Variants in COL4A3 observed in about 807,000 individuals in gnomAD.
COL4A3 encodes the protein collagen alpha-3(IV) chain.
Under a neutral mutation model 217.4 loss-of-function variants are expected in COL4A3, and 135 were observed. The observed-to-expected ratio is 0.62, with a 90% confidence interval of 0.54 to 0.72. The LOEUF is 0.72. Among genes scored for constraint, COL4A3 ranks in the 30% least tolerant of loss-of-function variants. The probability of loss-of-function intolerance (pLI) is 0.00; values close to 1 mark genes in which losing one functional copy is unlikely to be tolerated. For missense variants in COL4A3, 1,868 were observed against 2,119.9 expected (o/e 0.88, Z 2.33); for synonymous variants, 690 against 736.3 (o/e 0.94, Z 1.02).
At chr2:227,302,705 A>T (rs1574832252) in intron 43 of COL4A3, among the ~76,000 whole-genome samples, 1 of 142,036 alleles carries the variant, frequency 7.0e-6, no homozygotes, top group East Asian at 2.0e-4. Flanking sequence ...AAAAAAAAAA[A>T]ATCATTCTGG....
chr2:227,280,931 C>A lies in COL4A3; in HGVS notation c.2413C>A (p.Pro805Thr), dbSNP rs1205896711. 2.6e-6 allele frequency: 4 copies of A among 1,564,908 alleles called. No homozygotes were observed. Among genetic ancestry groups the A allele is most frequent in the Non-Finnish European group, 2.6e-6 (3 of 1,154,056 alleles). The change falls in exon 31 of 52, where the codon CCC becomes ACC. Residue 805 changes from proline to threonine, a missense_variant. Physicochemically the swap from Pro to Thr is conservative, Grantham distance 38. This residue lies in a region of COL4A3 where 1,503 missense variants were observed against 1,786.1 expected (regional missense o/e 0.84). Coordinates refer to ENST00000396578, the MANE Select transcript of COL4A3 (RefSeq NM_000091.5). The part of the protein sequence containing the change: ...GQPGPPGEQG[P>T]PGRCIEGPRG... ...GCCTGGACCACCTGGAGAACAAGGA[C>A]CCCCAGGAAGGTGCATAGAGGGTCC...
Position 227,289,212 on chromosome 2 carries a change from G to A in COL4A3, c.2944G>A (p.Gly982Ser), listed in dbSNP as rs1445946933. 6.2e-7 allele frequency: 1 copy of A among 1,613,828 alleles called. No individual in the cohort carries two copies. The highest frequency in any genetic ancestry group is 1.7e-5 in the Admixed American group (1 of 59,968). ...RGVPGMPGLK[G>S]LKGLPGPAGP... ...CGTTCCAGGGATGCCAGGTTTAAAG[G>A]GCCTCAAAGGACTACCCGGACCAGC... The change falls in exon 35 of 52, where the codon GGC (glycine) becomes AGC (serine). Residue 982 changes from glycine to serine, a missense_variant. Around this residue, in one of 2 missense-constraint regions of COL4A3, gnomAD observed 1,503 missense variants for 1,786.1 expected, o/e 0.84. Coordinates refer to ENST00000396578, the MANE Select transcript of COL4A3 (RefSeq NM_000091.5).
intron 1 of COL4A3, among the ~76,000 whole-genome samples, chr2:227,175,229 T>C (rs1385978183): frequency 6.6e-6 from 1 of 152,134 alleles, no homozygotes; most frequent in Non-Finnish European, 1.5e-5. Flanking sequence ...CCCAGCACTT[T>C]GGGAGGCCAA....
At position 227,304,097 on chromosome 2, in the gene COL4A3, C is replaced by T; in HGVS notation, c.4106C>T (p.Pro1369Leu). The change falls in exon 46 of 52, where the codon CCA becomes CTA. Residue 1369 changes from proline (P) to leucine (L), a missense_variant. Coordinates refer to ENST00000396578, the MANE Select transcript of COL4A3 (RefSeq NM_000091.5). The part of the protein sequence containing the change: ...SPGPPGTPGE[P>L]GMQGEPGPPG... The stretch of plus-strand genomic sequence containing the variant: ...GGGCCACCTGGCACACCTGGAGAAC[C>T]AGGGATGCAGGGAGAACCTGGGCCA... 6.2e-7 allele frequency: 1 copy of T among 1,614,144 alleles called. No individual in the cohort carries two copies. Among genetic ancestry groups the T allele is most frequent in the Non-Finnish European group, 8.5e-7 (1 of 1,180,018 alleles).
At chr2:227,188,364 C>T (rs1270198887) in intron 1 of COL4A3, among the ~76,000 whole-genome samples, 2 of 151,952 alleles carry the variant, frequency 1.3e-5, no homozygotes, top group Non-Finnish European at 2.9e-5. Flanking sequence ...ATATTTAACA[C>T]TGAAAAAGGA....
chr2:227,241,265 C>T (rs1258347015), intron 3 of COL4A3, among the ~76,000 whole-genome samples: 3 of 152,226 alleles, frequency 2.0e-5, no homozygotes, highest in South Asian at 2.1e-4. Context: ...CACGCACCCA[C>T]ACATTCATTC....
chr2:227,245,997 C>T lies in COL4A3; in HGVS notation c.368C>T (p.Pro123Leu). The T allele has an allele frequency of 6.2e-7, 1 of 1,613,598 alleles. No homozygotes were observed. Among genetic ancestry groups the T allele is most frequent in the South Asian group, 1.1e-5 (1 of 91,068 alleles). Residue 123 changes from proline to leucine, a missense_variant, in exon 6 of 52, where the codon CCA becomes CTA. Physicochemically the swap from Pro to Leu is moderately conservative, Grantham distance 98. This residue lies in a region of COL4A3 where 365 missense variants were observed against 333.8 expected (regional missense o/e 1.09). Coordinates refer to ENST00000396578, the MANE Select transcript of COL4A3 (RefSeq NM_000091.5). ...GGGCCTTACGGACTTGTCGGTGTAC[C>T]AGGATGCAGTGGTTCTAAGGTAAGT... ...NTGPYGLVGV[P>L]GCSGSKGEQG...
chr2:227,261,953 T>C (rs2070600632), intron 20 of COL4A3, among the ~76,000 whole-genome samples: 1 of 152,168 alleles, frequency 6.6e-6, no homozygotes, highest in Non-Finnish European at 1.5e-5. Flanking sequence ...GTGTTCTTTT[T>C]AACGAAAACA....
intron 1 of COL4A3, among the ~76,000 whole-genome samples, chr2:227,211,649 T>TTTTATTTATTTATTTATTTATTTATTTA (rs71036166): frequency 4.7e-4 from 71 of 150,084 alleles, no homozygotes; most frequent in African/African-American, 1.5e-3. Flanking sequence ...TCAGACTTGA[T>TTTTATTTATTTATTTATTTATTTATTTA]TTTATTTATT....
At chr2:227,181,223 T>A (rs2065858675) in intron 1 of COL4A3, among the ~76,000 whole-genome samples, 1 of 152,232 alleles carries the variant, frequency 6.6e-6, no homozygotes, top group African/African-American at 2.4e-5. Context: ...CTCTTTGACA[T>A]GTATCTAAAA....
Position 227,290,897 on chromosome 2 carries a change from C to T in COL4A3, c.3210+11C>T. On this transcript the variant is annotated intron_variant, in intron 37 of 51. Coordinates refer to ENST00000396578, the MANE Select transcript of COL4A3 (RefSeq NM_000091.5). The stretch of plus-strand genomic sequence containing the variant: ...CCACCGGGACCAACGGTATATAGGC[C>T]ACTGAAATATTTACATTTTAGTGGT... 1 of 1,608,150 alleles carries T rather than the reference C, an allele frequency of 6.2e-7. No individual in the cohort carries two copies. The highest frequency in any genetic ancestry group is 8.5e-7 in the Non-Finnish European group (1 of 1,178,078).
intron 1 of COL4A3, among the ~76,000 whole-genome samples, chr2:227,188,065 A>C (rs760962788): frequency 7.9e-5 from 12 of 152,112 alleles, no homozygotes; most frequent in Non-Finnish European, 1.6e-4. Context: ...TAGAAGAACA[A>C]CATCCCCGAA....
intron 1 of COL4A3, among the ~76,000 whole-genome samples, chr2:227,187,132 G>T (rs1302497455): frequency 6.6e-6 from 1 of 152,168 alleles, no homozygotes; most frequent in Non-Finnish European, 1.5e-5. Flanking sequence ...ATCTTTGTGT[G>T]CAGGAAGACA....
rs1453558790 is a variant in COL4A3, at chr2:227,307,713, C to T, written c.4256C>T (p.Pro1419Leu). 6 of 1,613,668 alleles carry T rather than the reference C, an allele frequency of 3.7e-6. No individual in the cohort carries two copies. The highest frequency in any genetic ancestry group is 2.7e-5 in the African/African-American group (2 of 74,844). The change falls in exon 48 of 52, where the codon CCA becomes CTA. Residue 1419 changes from proline to leucine, a missense_variant. Pro to Leu is a moderately conservative substitution (Grantham distance 98). Around this residue, in one of 2 missense-constraint regions of COL4A3, gnomAD observed 1,503 missense variants for 1,786.1 expected, o/e 0.84. Transcript: ENST00000396578. ...GNKGSKGEPG[P>L]AGSDGLPGLK... is the part of the protein sequence containing the mutation. ...ATTTAGAATGTGTTTTTTGAAGGAC[C>T]AGCTGGATCAGATGGATTGCCAGGT... is the stretch of plus-strand genomic sequence containing the variant.
chr2:227,301,740 C>T (rs111576592), intron 43 of COL4A3: 129 of 152,350 alleles, frequency 8.5e-4, no homozygotes, highest in African/African-American at 3.0e-3. Flanking sequence ...CCTTTAACAG[C>T]TCCCTCCTGC....
chr2:227,226,312 C>G (rs1235628284), intron 1 of COL4A3, among the ~76,000 whole-genome samples: 1 of 152,074 alleles, frequency 6.6e-6, no homozygotes, highest in Admixed American at 6.6e-5. Context: ...CCTGTGTCCC[C>G]CAAGCTCTGG....
intron 7 of COL4A3, 169 bp downstream of exon 7, chr2:227,246,907 G>A (rs1026537780): frequency 8.0e-5 from 59 of 738,178 alleles, no homozygotes; most frequent in Non-Finnish European, 1.5e-4. Context: ...CATTATGAGT[G>A]TAGGATTAGA....
At chr2:227,280,398 T>C (rs1163242066) in intron 29 of COL4A3, 42 bp from the exon 30 acceptor site, 25 of 1,609,922 alleles carry the variant, frequency 1.6e-5, no homozygotes, top group Non-Finnish European at 2.0e-5. Context: ...CAGTGAAGAT[T>C]TGGAAGCACT....
chr2:227,249,212 G>GTATATATATACATATATATATA (rs2069552255), intron 9 of COL4A3, among the ~76,000 whole-genome samples: 1 of 33,218 alleles, frequency 3.0e-5, no homozygotes, highest in Non-Finnish European at 5.9e-5. Context: ...AAATTAGCTA[G>GTATATATATACATATATATATA]TATATATATA....
Sources: gnomAD v4.1 joint callset for allele counts (sites outside exome capture counted in the v4.1 genomes callset) on GRCh38, gnomAD v4.1.1 for gene constraint, gnomAD v4.1.1 regional missense constraint, MANE v1.5 for transcripts, NCBI Gene and HGNC (gene_info 2026-07-23, HGNC 2026-07-21) for gene names.